Variants in SFMBT1 observed in about 807,000 individuals in gnomAD.
SFMBT1 encodes scm-like with four MBT domains protein 1.
A neutral mutation model predicts 108.7 loss-of-function variants in SFMBT1; 32 were observed. That is an observed-to-expected ratio of 0.29 (90% confidence interval 0.22 to 0.40). The LOEUF (loss-of-function observed/expected upper bound fraction) is 0.40. Among genes scored for constraint, SFMBT1 ranks in the 10% least tolerant of loss-of-function variants. The probability of loss-of-function intolerance (pLI) is 1.00; values close to 1 mark genes in which losing one functional copy is unlikely to be tolerated. For missense variants in SFMBT1, 816 were observed against 1,059.6 expected, an observed-to-expected ratio of 0.77 and a Z score of 3.19; for synonymous variants, 348 against 369.5, an observed-to-expected ratio of 0.94 and a Z score of 0.67.
intron 3 of SFMBT1, among the ~76,000 whole-genome samples, chr3:52,951,981 C>G (rs1703609868): frequency 6.6e-6 from 1 of 152,216 alleles, no homozygotes; most frequent in South Asian, 2.1e-4. Flanking sequence ...GTAATTCTCA[C>G]CACTTTAAGA....
intron 1 of SFMBT1, among the ~76,000 whole-genome samples, chr3:52,991,465 C>G (rs1705126370): frequency 6.6e-6 from 1 of 151,898 alleles, no homozygotes. Flanking sequence ...GTGCCTCAGC[C>G]TCCCGAGTAG....
At chr3:52,917,714 T>C (rs1226617094) in intron 13 of SFMBT1, among the ~76,000 whole-genome samples, 2 of 152,236 alleles carry the variant, frequency 1.3e-5, no homozygotes, top group South Asian at 2.1e-4. Flanking sequence ...GTGAACCCCA[T>C]TGTGAACTGT....
intron 1 of SFMBT1, among the ~76,000 whole-genome samples, chr3:52,999,498 G>C (rs1224911967): frequency 2.7e-5 from 4 of 150,330 alleles, no homozygotes; most frequent in Non-Finnish European, 6.0e-5. Context: ...GGACATCGCA[G>C]GGGAGGCAAA....
chr3:52,959,539 A>C (rs188958297), intron 2 of SFMBT1, among the ~76,000 whole-genome samples: 2 of 152,050 alleles, frequency 1.3e-5, no homozygotes, highest in Non-Finnish European at 2.9e-5. Context: ...TCTTTCTACA[A>C]ACCCTCTACA....
At chr3:53,001,189 A>C (rs529203808) in intron 1 of SFMBT1, among the ~76,000 whole-genome samples, 1 of 150,458 alleles carries the variant, frequency 6.6e-6, no homozygotes, top group African/African-American at 2.4e-5. Flanking sequence ...GGAAGGTTCT[A>C]CACTACATAA....
At chr3:52,990,131 G>C (rs1705072751) in intron 1 of SFMBT1, among the ~76,000 whole-genome samples, 1 of 152,104 alleles carries the variant, frequency 6.6e-6, no homozygotes, top group Non-Finnish European at 1.5e-5. Context: ...GGCTTAGTTG[G>C]TCAAAACACA....
intron 3 of SFMBT1, among the ~76,000 whole-genome samples, chr3:52,952,325 C>T (rs1024285894): frequency 6.6e-6 from 1 of 152,194 alleles, no homozygotes; most frequent in Non-Finnish European, 1.5e-5. Context: ...GGTTTATATT[C>T]ACAGACAACA....
rs765313270 is a variant in SFMBT1, at chr3:52,998,794, C to G, written c.-130-29536G>C. 5.2e-4 allele frequency among the ~76,000 whole-genome samples: 78 copies of G among 150,776 alleles called. 4 individuals are homozygous for G. In the Middle Eastern group the frequency reaches 0.021, roughly 40 times the overall value. On this transcript the variant is annotated intron_variant, in intron 1 of 20. Coordinates refer to ENST00000394752, the MANE Select transcript of SFMBT1 (RefSeq NM_016329.4). Reference sequence around the variant, plus strand: ...GTCCCTCAACCCTGGGGAGCTGGTGCTGCCGATCGACCTGACTGGCCCACA... The same window carrying G: ...GTCCCTCAACCCTGGGGAGCTGGTGGTGCCGATCGACCTGACTGGCCCACA...
intron 1 of SFMBT1, among the ~76,000 whole-genome samples, chr3:53,043,629 G>A (rs1700123061): frequency 6.6e-6 from 1 of 152,066 alleles, no homozygotes; most frequent in Non-Finnish European, 1.5e-5. Context: ...TCTAAAAATG[G>A]GAAGTCATAG....
At chr3:52,954,674 A>G (rs1021510928) in intron 2 of SFMBT1, among the ~76,000 whole-genome samples, 14 of 152,180 alleles carry the variant, frequency 9.2e-5, no homozygotes, top group Admixed American at 9.2e-4. Flanking sequence ...TCTAGAGTTC[A>G]CCCAAATGGA....
At chr3:52,941,480 G>C (rs1300670009) in intron 4 of SFMBT1, among the ~76,000 whole-genome samples, 1 of 148,716 alleles carries the variant, frequency 6.7e-6, no homozygotes, top group Non-Finnish European at 1.5e-5. Flanking sequence ...TGTAATCCCA[G>C]CTACTTGGGA....
At chr3:52,961,948 C>G (rs1468490326) in intron 2 of SFMBT1, among the ~76,000 whole-genome samples, 2 of 152,074 alleles carry the variant, frequency 1.3e-5, no homozygotes, top group East Asian at 3.8e-4. Context: ...TGAGAAGAAA[C>G]AAGACTAATG....
chr3:52,936,103 A>C (rs1296524706), intron 4 of SFMBT1, among the ~76,000 whole-genome samples: 1 of 152,228 alleles, frequency 6.6e-6, no homozygotes, highest in Non-Finnish European at 1.5e-5. Flanking sequence ...ATGAAGAGGC[A>C]CATATGGTCT....
At chr3:52,918,679 AT>A (rs1475194437) in intron 12 of SFMBT1, among the ~76,000 whole-genome samples, 153 bp from the exon 13 acceptor site, 1 of 152,030 alleles carries the variant, frequency 6.6e-6, no homozygotes, top group African/African-American at 2.4e-5. Context: ...ATATACACAT[AT>A]ATATAGTACT....
chr3:52,938,094 A>G (rs1703071822), intron 4 of SFMBT1, among the ~76,000 whole-genome samples: 1 of 152,124 alleles, frequency 6.6e-6, no homozygotes, highest in African/African-American at 2.4e-5. Flanking sequence ...TTTGTCAGCT[A>G]TCAAGACTGA....
chr3:52,935,755 T>C (rs1275023150), intron 4 of SFMBT1, among the ~76,000 whole-genome samples: 2 of 152,216 alleles, frequency 1.3e-5, no homozygotes, highest in Admixed American at 1.3e-4. Flanking sequence ...ATTTGTTTGA[T>C]TACATCAGGA....
chr3:53,033,123 C>A (rs1252422231), intron 1 of SFMBT1, among the ~76,000 whole-genome samples: 6 of 151,756 alleles, frequency 4.0e-5, no homozygotes, highest in Non-Finnish European at 2.9e-5. Context: ...GCCTGGGCAA[C>A]AGAGCAAGAC....
chr3:52,956,016 T>C (rs1703768440), intron 2 of SFMBT1, among the ~76,000 whole-genome samples: 1 of 152,250 alleles, frequency 6.6e-6, no homozygotes, highest in Non-Finnish European at 1.5e-5. Flanking sequence ...CACAATTACG[T>C]AGGCTTCATC....
rs1490307624 is a variant in SFMBT1, at chr3:52,938,147, TC to T, written c.365-3247del. Among the ~76,000 whole-genome samples the T allele has an allele frequency of 2.6e-5, 4 of 152,184 alleles. No homozygotes were observed. The East Asian group carries it at 7.7e-4, about 29-fold the overall frequency. ...ACTGGCAGTTGCCTGTACATCTTTG[TC>T]CTTTTATTTTTACTTTTTCGTAGTC... On this transcript the variant is annotated intron_variant, in intron 4 of 20. Transcript: ENST00000394752.
Sources: allele counts gnomAD v4.1 joint callset (sites outside exome capture counted in the v4.1 genomes callset), GRCh38; gene constraint gnomAD v4.1.1; transcripts MANE v1.5; gene names NCBI Gene and HGNC (gene_info 2026-07-23, HGNC 2026-07-21).